PLEKHG6: variants seen among roughly 807,000 people sequenced by gnomAD.
The protein encoded by PLEKHG6 is pleckstrin homology domain-containing family G member 6.
A neutral mutation model predicts 97.5 loss-of-function variants in PLEKHG6; 91 were observed. The ratio of observed to expected loss-of-function variants is 0.93; its 90% CI spans 0.79 to 1.11. The LOEUF is 1.11. Ranked by LOEUF, PLEKHG6 falls within the 50% of genes most tolerant of loss-of-function variation. The pLI is 0.00. For synonymous variants in PLEKHG6, 466 were observed against 425.5 expected, an observed-to-expected ratio of 1.10 and a Z score of -1.17; for missense variants, 1,044 against 1,031.0, an observed-to-expected ratio of 1.01 and a Z score of -0.17.
chr12:6,323,537 G>C (rs1449538085), intron 13 of PLEKHG6, among the ~76,000 whole-genome samples: 1 of 152,226 alleles, frequency 6.6e-6, no homozygotes, highest in East Asian at 1.9e-4. Flanking sequence ...CTTCTCCAGG[G>C]AGAAGAGACT....
At chr12:6,322,059 TA>T (rs1466557209) in intron 13 of PLEKHG6, among the ~76,000 whole-genome samples, 1 of 152,142 alleles carries the variant, frequency 6.6e-6, no homozygotes, top group African/African-American at 2.4e-5. Flanking sequence ...TCATTCGGCT[TA>T]GGCACACAGC....
At position 6,318,521 on chromosome 12, in the gene PLEKHG6, T is replaced by A. The variant is rs1236169188; in HGVS notation, c.1275+101T>A. The A allele has an allele frequency of 2.1e-6, 3 of 1,411,946 alleles. No individual in the cohort carries two copies. In the Admixed American group the frequency reaches 7.2e-5, roughly 34 times the overall value. 87.5% of individuals were successfully genotyped at this position (1,411,946 alleles called of 1,614,324 possible). On this transcript the variant is annotated intron_variant, in intron 11 of 15. Coordinates refer to ENST00000684764, the MANE Select transcript of PLEKHG6 (RefSeq NM_001384598.1). ...GAGAAGAGGGGTTTGGGGAAGAGGA[T>A]GTGGTTCTGGCTAAGCCCCAGTCAT... is the stretch of plus-strand genomic sequence containing the variant.
At position 6,313,711 on chromosome 12, in the gene PLEKHG6, T is replaced by G. The variant is rs749608381; in HGVS notation, c.221T>G (p.Leu74Arg). ...GQARGLSPMRLRDPEPEKRHG... is the reference protein window; with the variant it reads ...GQARGLSPMRRRDPEPEKRHG... Reference sequence around the variant, plus strand: ...GCCCGAGGCCTGTCACCCATGAGACTGCGAGATCCAGAGCCCGAGAAGAGG... The same window carrying G: ...GCCCGAGGCCTGTCACCCATGAGACGGCGAGATCCAGAGCCCGAGAAGAGG... Residue 74 changes from leucine (L) to arginine (R), a missense_variant, in exon 3 of 16, where the codon CTG (leucine) becomes CGG (arginine). Physicochemically the swap from Leu to Arg is moderately radical, Grantham distance 102. Transcript: ENST00000684764. 16 of 1,612,840 alleles carry G rather than the reference T, an allele frequency of 9.9e-6. No individual in the cohort carries two copies. Among genetic ancestry groups the G allele is most frequent in the Non-Finnish European group, 1.4e-5 (16 of 1,179,586 alleles).
In PLEKHG6 at chr12:6,318,974, G is replaced by A. The variant is rs1393474421; in HGVS notation, c.1409-19G>A. 13 of 1,612,656 alleles carry A rather than the reference G, an allele frequency of 8.1e-6. No homozygotes were observed. In the East Asian group the frequency reaches 2.5e-4, roughly 30 times the overall value. ...ATCAAATAAAGGCTGGCCTCTTGAA[G>A]GTTGTCTCCTCCATCCAGACAGCTT... On this transcript the variant is annotated intron_variant, in intron 12 of 15. Coordinates refer to ENST00000684764, the MANE Select transcript of PLEKHG6 (RefSeq NM_001384598.1).
rs374722336 is a variant in PLEKHG6, at chr12:6,318,806, C to A, written c.1337C>A (p.Ala446Glu). ...VLLVTKPQRK[A>E]DKAKVIRPPL... ...CTTGTGACCAAGCCCCAGCGCAAGG[C>A]GGACAAAGCCAAGGTCATCCGACCC... The change falls in exon 12 of 16, where the codon GCG (alanine) becomes GAG (glutamate). Residue 446 changes from alanine (A) to glutamate (E), a missense_variant. Coordinates refer to ENST00000684764, the MANE Select transcript of PLEKHG6 (RefSeq NM_001384598.1). 1 of 1,614,050 alleles carries A rather than the reference C, an allele frequency of 6.2e-7. No homozygotes were observed. Among genetic ancestry groups the A allele is most frequent in the African/African-American group, 1.3e-5 (1 of 74,910 alleles).
At position 6,312,245 on chromosome 12, in the gene PLEKHG6, C is replaced by G; in HGVS notation, c.19C>G (p.Pro7Ala). The change falls in exon 2 of 16, where the codon CCA becomes GCA. Residue 7 changes from proline (P) to alanine (A), a missense_variant. Coordinates refer to ENST00000684764, the MANE Select transcript of PLEKHG6 (RefSeq NM_001384598.1). ...AGAAGGGATGAAGGCCTTTGGTCCT[C>G]CACATGAGGGCCCCCTCCAAGGACT... MKAFGP[P>A]HEGPLQGLVA... 1 of 1,532,772 alleles carries G rather than the reference C, an allele frequency of 6.5e-7. No individual in the cohort carries two copies. Among genetic ancestry groups the G allele is most frequent in the Non-Finnish European group, 8.7e-7 (1 of 1,146,898 alleles). 94.9% of individuals were successfully genotyped at this position (1,532,772 alleles called of 1,614,324 possible).
In PLEKHG6 at chr12:6,315,440, T is replaced by C; in HGVS notation, c.460-114T>C. 1 of 735,668 alleles carries C rather than the reference T, an allele frequency of 1.4e-6. No individual in the cohort carries two copies. The highest frequency in any genetic ancestry group is 2.3e-6 in the Non-Finnish European group (1 of 435,594). 45.6% of individuals were successfully genotyped at this position (735,668 alleles called of 1,614,324 possible). A position where few individuals can be genotyped will look rare whatever the true frequency, so the allele number is the denominator to read the frequency against. ...CACTGGTTTGAGGATTAAAAGGTCA[T>C]GGTCATGCACAAAGTGCCTAGAACC... On this transcript the variant is annotated intron_variant, in intron 4 of 15. Coordinates refer to ENST00000684764, the MANE Select transcript of PLEKHG6 (RefSeq NM_001384598.1). This position sits in a 1 kb window ranked among gnomAD's most constrained non-coding sequence, Gnocchi z 4.5.
chr12:6,317,947 A>C lies in PLEKHG6; in HGVS notation c.1108A>C (p.Ile370Leu). The C allele has an allele frequency of 3.2e-6, 5 of 1,582,212 alleles. No homozygotes were observed. Among genetic ancestry groups the C allele is most frequent in the Non-Finnish European group, 4.3e-6 (5 of 1,164,316 alleles). The change falls in exon 10 of 16, where the codon ATC becomes CTC. Residue 370 changes from isoleucine (I) to leucine (L), a missense_variant. Transcript: ENST00000684764. Reference sequence around the variant, plus strand: ...GAGCTTGGCGGCTGCAGCACAACGCATCGGGCCCTACGAGGTGCTGGAGCC... The same window carrying C: ...GAGCTTGGCGGCTGCAGCACAACGCCTCGGGCCCTACGAGGTGCTGGAGCC... ...QESLAAAAQR[I>L]GPYEVLEPPS...
chr12:6,312,235 C>T lies in PLEKHG6; in HGVS notation c.9C>T (p.Ala3=). 1 of 1,522,488 alleles carries T rather than the reference C, an allele frequency of 6.6e-7. No individual in the cohort carries two copies. The highest frequency in any genetic ancestry group is 8.8e-7 in the Non-Finnish European group (1 of 1,141,958). The allele number at this position is 1,522,488 out of a possible 1,614,324, so 94.3% of individuals were successfully genotyped here. A position where few individuals can be genotyped will look rare whatever the true frequency, so the allele number is the denominator to read the frequency against. ...GACCCAGGAGAGAAGGGATGAAGGC[C>T]TTTGGTCCTCCACATGAGGGCCCCC... The part of the protein sequence containing the change: MK[A]FGPPHEGPLQ... Residue 3 remains alanine, a synonymous_variant, in exon 2 of 16, where the codon GCC becomes GCT. Coordinates refer to ENST00000684764, the MANE Select transcript of PLEKHG6 (RefSeq NM_001384598.1).
rs1307400878 is a variant in PLEKHG6 at position 6,316,350 on chromosome 12, T to G, written c.702T>G (p.Thr234=). The part of the protein sequence containing the change: ...DEVLGPTLEE[T]RASGQPLDPI... ...TGCTGGGGCCCACCCTGGAGGAGAC[T>G]CGGGCCTCGGGCCAGCCTCTGGACC... The change falls in exon 7 of 16, where the codon ACT becomes ACG. Residue 234 remains threonine, a synonymous_variant. Transcript: ENST00000684764. The surrounding 1 kb of genome is among the most constrained non-coding windows in gnomAD (Gnocchi z 4.1). 1.3e-6 allele frequency: 2 copies of G among 1,564,530 alleles called. No homozygotes were observed. The highest frequency in any genetic ancestry group is 3.8e-5 in the Admixed American group (2 of 52,644).
intron 13 of PLEKHG6, chr12:6,319,527 T>TG (rs1242940790): frequency 6.6e-7 from 1 of 1,519,888 alleles, no homozygotes; most frequent in Non-Finnish European, 8.8e-7. Flanking sequence ...GGAGAGAGGC[T>TG]GGGGTGGATT....
In PLEKHG6 at chr12:6,327,479, T is replaced by TGGGGGCC; in HGVS notation, c.1896_1897insGGGGGCC (p.Pro633GlyfsTer39). 20 of 1,603,138 alleles carry TGGGGGCC rather than the reference T, an allele frequency of 1.2e-5. No individual in the cohort carries two copies. Among genetic ancestry groups the TGGGGGCC allele is most frequent in the Non-Finnish European group, 1.5e-5 (18 of 1,171,596 alleles). On this transcript the variant is annotated frameshift_variant, in exon 15 of 16. Transcript: ENST00000684764. LOFTEE classifies it high-confidence loss of function. ...TGGAACTCCGGGACATCCCTCTGCG[T>TGGGGGCC]CCCCACCCTCCCGACCCCCAAGCTC...
At chr12:6,324,980 G>A (rs1235305528) in intron 13 of PLEKHG6, among the ~76,000 whole-genome samples, 1 of 152,206 alleles carries the variant, frequency 6.6e-6, no homozygotes, top group African/African-American at 2.4e-5. Context: ...AGATCATGGG[G>A]ATGGGGGAAG....
At chr12:6,319,184 A>G (rs1565458995) in intron 13 of PLEKHG6, 76 bp downstream of exon 13, 1 of 958,914 alleles carries the variant, frequency 1.0e-6, no homozygotes, top group Non-Finnish European at 1.6e-6. Context: ...GTGGTGGATC[A>G]CACCTGTAAT....
At position 6,328,151 on chromosome 12, in the gene PLEKHG6, G is replaced by A. The variant is rs1171082391; in HGVS notation, c.*6G>A. ...GTCTTTTCAGAGAGGTATGAGGAAT[G>A]CAGAGGACCTTTGGCATGCATCTCT... On this transcript the variant is annotated 3_prime_UTR_variant, in exon 16 of 16. Coordinates refer to ENST00000684764, the MANE Select transcript of PLEKHG6 (RefSeq NM_001384598.1). 2 of 1,613,908 alleles carry A rather than the reference G, an allele frequency of 1.2e-6. No individual in the cohort carries two copies.
At chr12:6,319,331 C>A (rs193110796) in intron 13 of PLEKHG6, 111 of 618,344 alleles carry the variant, frequency 1.8e-4, no homozygotes, top group Non-Finnish European at 2.9e-4. Flanking sequence ...GCCTGTAGTC[C>A]CCATTACTTG....
Position 6,327,479 on chromosome 12 carries a change from T to TGGGGGCCCC in PLEKHG6, c.1896_1897insGGGGGCCCC (p.Arg632_Pro633insGlyGlyPro). The TGGGGGCCCC allele has an allele frequency of 5.0e-6, 8 of 1,603,206 alleles. No homozygotes were observed. The highest frequency in any genetic ancestry group is 1.3e-5 in the African/African-American group (1 of 74,588). On this transcript the variant is annotated inframe_insertion, in exon 15 of 16. Transcript: ENST00000684764. ...TGGAACTCCGGGACATCCCTCTGCG[T>TGGGGGCCCC]CCCCACCCTCCCGACCCCCAAGCTC...
chr12:6,315,129 C>A lies in PLEKHG6; in HGVS notation c.419C>A (p.Thr140Asn), dbSNP rs865984122. ...GGAGAGGGTGGCGACAGTGGCCTGA[C>A]CATCGAGAAGTCCTGGAGGGAGCTG... ...EIGEGGDSGL[T>N]IEKSWRELVP... Residue 140 changes from threonine to asparagine, a missense_variant, in exon 4 of 16, where the codon ACC becomes AAC. By Grantham distance (65) the Thr-to-Asn change is moderately conservative (BLOSUM62 0). Coordinates refer to ENST00000684764, the MANE Select transcript of PLEKHG6 (RefSeq NM_001384598.1). This position sits in a 1 kb window ranked among gnomAD's most constrained non-coding sequence, Gnocchi z 4.5. The A allele has an allele frequency of 1.2e-6, 2 of 1,612,252 alleles. No homozygotes were observed. Among genetic ancestry groups the A allele is most frequent in the Non-Finnish European group, 8.5e-7 (1 of 1,179,986 alleles).
chr12:6,313,875 A>T, intron 3 of PLEKHG6, 91 bp downstream of exon 3: 2 of 1,249,050 alleles, frequency 1.6e-6, no homozygotes, highest in Non-Finnish European at 2.2e-6. Context: ...AGCTGAGAAC[A>T]CAGGTCCAGG....
Sources: gnomAD v4.1 joint callset for allele counts (sites outside exome capture counted in the v4.1 genomes callset) on GRCh38, gnomAD v4.1.1 for gene constraint, Gnocchi (gnomAD v3.1) non-coding constraint, MANE v1.5 for transcripts, NCBI Gene and HGNC (gene_info 2026-07-23, HGNC 2026-07-21) for gene names.